Variants in LRRC7 observed in about 807,000 individuals in gnomAD.
LRRC7 encodes the protein leucine rich repeat containing 7.
In LRRC7, 23 loss-of-function variants were observed where a neutral mutation model predicts 175.7. The ratio of observed to expected loss-of-function variants is 0.13; its 90% CI spans 0.09 to 0.19. LRRC7 has a LOEUF of 0.19. LRRC7 is among the 10% of genes least tolerant of loss of function. The pLI, the probability that LRRC7 is intolerant of heterozygous loss-of-function variation, is 1.00. For missense variants in LRRC7, 1,354 were observed against 1,904.7 expected (o/e 0.71, Z 5.38); for synonymous variants, 685 against 680.9 (o/e 1.01, Z -0.09).
intron 2 of LRRC7, among the ~76,000 whole-genome samples, chr1:69,691,502 A>G (rs1489167791): frequency 2.0e-5 from 3 of 152,174 alleles, no homozygotes; most frequent in African/African-American, 4.8e-5. Context: ...AATGAATTAT[A>G]AAGGATACAA....
chr1:69,906,392 C>T lies in LRRC7; in HGVS notation c.648-25115C>T, dbSNP rs146176778. Reference sequence around the variant, plus strand: ...TTCTTCTAGGGTTTTTATGGTTTTACGTCTAACATGTAAGTCTTCAATCCA... The same window carrying T: ...TTCTTCTAGGGTTTTTATGGTTTTATGTCTAACATGTAAGTCTTCAATCCA... On this transcript the variant is annotated intron_variant, in intron 7 of 26. Transcript: ENST00000651989. 4.9e-3 allele frequency among the ~76,000 whole-genome samples: 740 copies of T among 152,134 alleles called. 9 individuals are homozygous for T. Among genetic ancestry groups the T allele is most frequent in the Non-Finnish European group, 5.0e-3 (341 of 67,972 alleles).
At chr1:70,089,398 C>T (rs1663856191) in intron 24 of LRRC7, among the ~76,000 whole-genome samples, 2 of 152,100 alleles carry the variant, frequency 1.3e-5, no homozygotes, top group African/African-American at 4.8e-5. Context: ...TGGTTGATAG[C>T]TAAGATAATG....
chr1:69,677,457 G>T (rs1010021691), intron 1 of LRRC7, among the ~76,000 whole-genome samples: 11 of 151,566 alleles, frequency 7.3e-5, no homozygotes, highest in Non-Finnish European at 1.2e-4. Flanking sequence ...TGGATCAAAT[G>T]GTAGATTTAC....
In LRRC7 at chr1:70,121,844, A is replaced by C. The variant is rs1376888559; in HGVS notation, c.4685A>C (p.Gln1562Pro). Residue 1562 changes from glutamine to proline, a missense_variant, in exon 27 of 27, where the codon CAG (glutamine) becomes CCG (proline). By Grantham distance (76) the Gln-to-Pro change is moderately conservative. Coordinates refer to ENST00000651989, the MANE Select transcript of LRRC7 (RefSeq NM_001370785.2). ...GCTGTATTACTACTGAAGAGTTTCC[A>C]GAACACAGTAGACCTAGTTATTCAA... ...EKAVLLLKSF[Q>P]NTVDLVIQRE... 1 of 1,612,138 alleles carries C rather than the reference A, an allele frequency of 6.2e-7. No homozygotes were observed. The highest frequency in any genetic ancestry group is 1.7e-5 in the Admixed American group (1 of 59,918).
rs1024186065 is a variant in LRRC7 at position 70,015,794 on chromosome 1, T to C, written c.1251-671T>C. 2.0e-5 allele frequency among the ~76,000 whole-genome samples: 3 copies of C among 152,318 alleles called. No individual in the cohort carries two copies. The East Asian group carries it at 5.8e-4, about 29-fold the overall frequency. On this transcript the variant is annotated intron_variant, in intron 13 of 26. Coordinates refer to ENST00000651989, the MANE Select transcript of LRRC7 (RefSeq NM_001370785.2). ...CTTTGAATATCTACTACACATTGCA[T>C]GAAGGTCAAAAGAACATACTTGCTG...
chr1:69,702,395 T>A (rs75208957), intron 2 of LRRC7, among the ~76,000 whole-genome samples: 1,697 of 152,334 alleles, frequency 0.011, 31 homozygotes, highest in Middle Eastern at 0.075. Context: ...TTGTGGCATC[T>A]TGTTATTAAT....
chr1:69,762,130 C>A (rs79946094), intron 3 of LRRC7, among the ~76,000 whole-genome samples: 1,859 of 151,970 alleles, frequency 0.012, 19 homozygotes, highest in Non-Finnish European at 0.019. Flanking sequence ...AACTTATCAT[C>A]CTGTATTTTT....
intron 2 of LRRC7, among the ~76,000 whole-genome samples, chr1:69,713,705 A>C (rs564467655): frequency 9.6e-4 from 146 of 151,490 alleles, no homozygotes; most frequent in African/African-American, 3.4e-3. Flanking sequence ...ATTTCAGCTA[A>C]ACCTTAGTTA....
intron 2 of LRRC7, among the ~76,000 whole-genome samples, chr1:69,738,740 G>A (rs1429154848): frequency 6.6e-6 from 1 of 152,034 alleles, no homozygotes; most frequent in African/African-American, 2.4e-5. Context: ...TTATGTGAGA[G>A]AGATAAGACA....
At chr1:69,631,748 A>G (rs765902483) in intron 1 of LRRC7, among the ~76,000 whole-genome samples, 39 of 152,148 alleles carry the variant, frequency 2.6e-4, no homozygotes, top group Non-Finnish European at 5.3e-4. Flanking sequence ...TTCTTCTACC[A>G]CTTTTCCTAA....
At chr1:69,690,360 C>G (rs1019309498) in intron 2 of LRRC7, among the ~76,000 whole-genome samples, 1 of 152,056 alleles carries the variant, frequency 6.6e-6, no homozygotes, top group Non-Finnish European at 1.5e-5. Context: ...GCCTCAATAA[C>G]TAGAAGGAAT....
At chr1:69,652,465 T>C (rs1005996463) in intron 1 of LRRC7, among the ~76,000 whole-genome samples, 1 of 152,098 alleles carries the variant, frequency 6.6e-6, no homozygotes, top group Admixed American at 6.6e-5. Flanking sequence ...TAAAATGAAT[T>C]GAAGAGGACC....
chr1:69,881,240 G>T (rs1157573013), intron 7 of LRRC7, among the ~76,000 whole-genome samples: 1 of 152,164 alleles, frequency 6.6e-6, no homozygotes. Flanking sequence ...GGCAATCAGA[G>T]GAAATGCAAT....
At chr1:69,793,155 C>T (rs941150507) in intron 4 of LRRC7, among the ~76,000 whole-genome samples, 3 of 152,066 alleles carry the variant, frequency 2.0e-5, no homozygotes, top group Non-Finnish European at 2.9e-5. Context: ...CTGAAGTTTA[C>T]GTTCAAGTGG....
At chr1:69,687,444 A>G (rs1661291588) in intron 2 of LRRC7, among the ~76,000 whole-genome samples, 1 of 139,424 alleles carries the variant, frequency 7.2e-6, no homozygotes, top group Admixed American at 7.7e-5. Context: ...CGGGAGGCGG[A>G]GGTTGCAGTG....
intron 24 of LRRC7, among the ~76,000 whole-genome samples, chr1:70,081,161 G>A (rs1347032787): frequency 6.6e-6 from 1 of 152,180 alleles, no homozygotes; most frequent in Non-Finnish European, 1.5e-5. Context: ...TGTAGCCAAG[G>A]TTGAGGAGCA....
rs185978347 is a variant in LRRC7, at chr1:70,126,369, T to C, written c.*4482T>C. On this transcript the variant is annotated 3_prime_UTR_variant, in exon 27 of 27. Transcript: ENST00000651989. ...TTATCTAGTATAAAGAAAAGCGGGG[T>C]TGAAGTTCCACTGTAGTTCCTTTCA... Among the ~76,000 whole-genome samples the C allele has an allele frequency of 6.6e-6, 1 of 151,948 alleles. No homozygotes were observed. Among genetic ancestry groups the C allele is most frequent in the Non-Finnish European group, 1.5e-5 (1 of 67,966 alleles).
intron 7 of LRRC7, chr1:69,919,966 C>T: frequency 3.6e-6 from 2 of 563,142 alleles, no homozygotes; most frequent in Non-Finnish European, 3.2e-6. Flanking sequence ...GGGGGCCCTT[C>T]CAGACTGGGG....
At chr1:69,675,020 T>C (rs982173346) in intron 1 of LRRC7, among the ~76,000 whole-genome samples, 8 of 152,182 alleles carry the variant, frequency 5.3e-5, no homozygotes, top group Non-Finnish European at 1.0e-4. Flanking sequence ...CTGTTGTGTA[T>C]GTAAGCACAT....
Sources: allele counts gnomAD v4.1 joint callset (sites outside exome capture counted in the v4.1 genomes callset), GRCh38; gene constraint gnomAD v4.1.1; transcripts MANE v1.5; gene names NCBI Gene and HGNC (gene_info 2026-07-23, HGNC 2026-07-21).